Variants in CPXM2 observed in about 807,000 individuals in gnomAD.
The protein encoded by CPXM2 is carboxypeptidase X, M14 family member 2, also known as inactive carboxypeptidase-like protein X2.
In CPXM2, 66 loss-of-function variants were observed where a neutral mutation model predicts 86.1. The observed-to-expected ratio is 0.77, with a 90% CI of 0.63 to 0.94. CPXM2 has a LOEUF of 0.94. CPXM2 is among the 40% of genes least tolerant of loss of function. CPXM2 has a pLI of 0.00. For synonymous variants in CPXM2, 388 were observed against 400.2 expected (o/e 0.97, Z 0.36); for missense variants, 948 against 1,026.3 (o/e 0.92, Z 1.04).
At chr10:123,791,905 T>C (rs1394517565) in intron 6 of CPXM2, among the ~76,000 whole-genome samples, 2 of 152,336 alleles carry the variant, frequency 1.3e-5, no homozygotes, top group East Asian at 1.9e-4. Context: ...ACTGAGCTGC[T>C]TCTGTACAGT....
chr10:123,915,984 C>T (rs933478566), intron 2 of CPXM2, among the ~76,000 whole-genome samples: 18 of 152,310 alleles, frequency 1.2e-4, no homozygotes, highest in Middle Eastern at 3.4e-3. Flanking sequence ...TCTCTGTGCC[C>T]TCTGGGAAAA....
chr10:123,862,833 C>G lies in CPXM2; in HGVS notation c.404-110G>C. 4 of 833,744 alleles carry G rather than the reference C, an allele frequency of 4.8e-6. No homozygotes were observed. In the South Asian group the frequency reaches 5.9e-5, roughly 12 times the overall value. 51.6% of individuals were successfully genotyped at this position (833,744 alleles called of 1,614,324 possible). The stretch of plus-strand genomic sequence containing the variant: ...TTCCATTTTCCCCTGAACTCCCACC[C>G]ACAGGCATGCCTGGTCTTTCCAGAC... On this transcript the variant is annotated intron_variant, in intron 2 of 13. Transcript: ENST00000241305.
intron 4 of CPXM2, among the ~76,000 whole-genome samples, chr10:123,807,147 A>C (rs1032458315): frequency 6.6e-6 from 1 of 152,200 alleles, no homozygotes; most frequent in Non-Finnish European, 1.5e-5. Flanking sequence ...GAACACAGAA[A>C]TTATACACTG....
intron 1 of CPXM2, among the ~76,000 whole-genome samples, chr10:123,889,465 G>A (rs1170318339): frequency 3.3e-5 from 5 of 152,004 alleles, no homozygotes; most frequent in Non-Finnish European, 7.4e-5. Flanking sequence ...CATGTGGTGG[G>A]GGGCGGGGGC....
chr10:123,779,230 C>T (rs1846877655), intron 7 of CPXM2, among the ~76,000 whole-genome samples: 1 of 152,238 alleles, frequency 6.6e-6, no homozygotes, highest in Non-Finnish European at 1.5e-5. Flanking sequence ...TTGCCAGCTC[C>T]TCCCCATGCT....
At chr10:123,797,869 T>G (rs1847367844) in intron 6 of CPXM2, 107 bp downstream of exon 6, 20 of 1,092,036 alleles carry the variant, frequency 1.8e-5, no homozygotes, top group Non-Finnish European at 2.1e-5. Flanking sequence ...ATTACAGGCA[T>G]GAGCTACTGT....
In CPXM2 at chr10:123,780,231, C is replaced by G; in HGVS notation, c.914G>C (p.Arg305Pro). ...LPDPNNYYHR[R>P]NEMTTTDDLD... ...GTCATCAGTGGTGGTCATCTCGTTC[C>G]GGCGGTGATAATAATTATTAGGATC... The change falls in exon 7 of 14, where the codon CGG becomes CCG. Residue 305 changes from arginine (R) to proline (P), a missense_variant. Arg to Pro is a moderately radical substitution (Grantham distance 103). Transcript: ENST00000241305. 1 of 1,608,802 alleles carries G rather than the reference C, an allele frequency of 6.2e-7. No homozygotes were observed. Among genetic ancestry groups the G allele is most frequent in the Non-Finnish European group, 8.5e-7 (1 of 1,175,218 alleles).
Position 123,766,979 on chromosome 10 carries a change from A to AT in CPXM2, c.1472dup (p.Asn491LysfsTer124). The AT allele has an allele frequency of 1.2e-6, 2 of 1,613,478 alleles. No homozygotes were observed. The highest frequency in any genetic ancestry group is 1.7e-6 in the Non-Finnish European group (2 of 1,179,384). Reference sequence around the variant, plus strand: ...GACGGGTATTTTGACTCACCGTGGCATTTTCCGACAGAAACCACTCAGGGA... The same window carrying AT: ...GACGGGTATTTTGACTCACCGTGGCATTTTTCCGACAGAAACCACTCAGGGA... On this transcript the variant is annotated frameshift_variant, in exon 10 of 14. Transcript: ENST00000241305. LOFTEE classifies it high-confidence loss of function.
chr10:123,913,456 T>A (rs1945506566), intron 2 of CPXM2: 1 of 152,806 alleles, frequency 6.5e-6, no homozygotes, highest in Admixed American at 6.5e-5. Flanking sequence ...CTGGAATTAT[T>A]GCATAAGTGT....
At chr10:123,775,470 C>T (rs1252546614) in intron 7 of CPXM2, among the ~76,000 whole-genome samples, 1 of 152,200 alleles carries the variant, frequency 6.6e-6, no homozygotes, top group Non-Finnish European at 1.5e-5. Flanking sequence ...TTCCAATTAG[C>T]TGTGGGAGAA....
intron 8 of CPXM2, 45 bp from the exon 9 acceptor site, chr10:123,768,767 T>G: frequency 6.4e-7 from 1 of 1,554,504 alleles, no homozygotes. Flanking sequence ...GTTGAAACAC[T>G]TAGGGCCAAA....
In CPXM2 at chr10:123,784,246, T is replaced by C. The variant is rs180798441; in HGVS notation, c.890-3991A>G. Among the ~76,000 whole-genome samples the C allele has an allele frequency of 1.3e-3, 200 of 152,262 alleles. 1 individual carries two copies. The highest frequency in any genetic ancestry group is 4.7e-3 in the African/African-American group (196 of 41,552). On this transcript the variant is annotated intron_variant, in intron 6 of 13. Coordinates refer to ENST00000241305, the MANE Select transcript of CPXM2 (RefSeq NM_198148.3). ...GGTGATGCATTTACAAGCCAAGGGATGTCAAAGGCTGACATCGTACCACTG... is the reference window on the plus strand; with the variant it reads ...GGTGATGCATTTACAAGCCAAGGGACGTCAAAGGCTGACATCGTACCACTG...
intron 9 of CPXM2, 171 bp downstream of exon 9, chr10:123,768,355 C>T (rs568606535): frequency 3.0e-6 from 1 of 338,270 alleles, no homozygotes; most frequent in Non-Finnish European, 5.0e-6. Context: ...GCCTGGGCAA[C>T]AGAGGGAGAC....
intron 4 of CPXM2, among the ~76,000 whole-genome samples, chr10:123,832,145 C>G (rs1464045024): frequency 6.6e-6 from 1 of 152,166 alleles, no homozygotes; most frequent in Non-Finnish European, 1.5e-5. Flanking sequence ...CTTCAACCTA[C>G]AAGTTTGGGG....
chr10:123,847,687 A>G (rs1398082110), intron 3 of CPXM2, among the ~76,000 whole-genome samples: 1 of 152,222 alleles, frequency 6.6e-6, no homozygotes, highest in African/African-American at 2.4e-5. Flanking sequence ...AGTTTTAAAA[A>G]GCAATTTTAA....
intron 10 of CPXM2, among the ~76,000 whole-genome samples, chr10:123,765,274 C>T (rs1846442694): frequency 6.6e-6 from 1 of 152,128 alleles, no homozygotes; most frequent in Admixed American, 6.5e-5. Context: ...TTTATCTTTG[C>T]TGATTTCTTA....
At chr10:123,929,895 G>C (rs1274161381) in intron 2 of CPXM2, among the ~76,000 whole-genome samples, 1 of 152,190 alleles carries the variant, frequency 6.6e-6, no homozygotes, top group Non-Finnish European at 1.5e-5. Context: ...CAACCACCGG[G>C]TCATGCTTCC....
chr10:123,782,591 AT>A (rs1458660449), intron 6 of CPXM2, among the ~76,000 whole-genome samples: 1 of 152,202 alleles, frequency 6.6e-6, no homozygotes, highest in Non-Finnish European at 1.5e-5. Flanking sequence ...ACAAAGTTTT[AT>A]TGAGACCCTC....
intron 13 of CPXM2, chr10:123,752,350 C>G (rs1846097362): frequency 1.0e-6 from 1 of 984,860 alleles, no homozygotes; most frequent in East Asian, 1.1e-4. Context: ...AGATCAGTGA[C>G]AAATGGTAGG....
Sources: gnomAD v4.1 joint callset for allele counts (sites outside exome capture counted in the v4.1 genomes callset) on GRCh38, gnomAD v4.1.1 for gene constraint, MANE v1.5 for transcripts, NCBI Gene and HGNC (gene_info 2026-07-23, HGNC 2026-07-21) for gene names.